The following ITGA9 variants were observed in gnomAD, a reference collection of about 807,000 sequenced individuals.
ITGA9 encodes integrin alpha-9.
In ITGA9, 56 loss-of-function variants were observed where a neutral mutation model predicts 127.8. That is an observed-to-expected ratio of 0.44 (90% confidence interval 0.35 to 0.55). The LOEUF (loss-of-function observed/expected upper bound fraction) is 0.55, where lower values mean the gene tolerates loss of function less well. Among genes scored for constraint, ITGA9 ranks in the 20% least tolerant of loss-of-function variants. ITGA9 has a pLI of 0.00. For synonymous variants in ITGA9, 508 were observed against 514.5 expected, an observed-to-expected ratio of 0.99 and a Z score of 0.17; for missense variants, 1,196 against 1,347.1, an observed-to-expected ratio of 0.89 and a Z score of 1.76.
chr3:37,663,820 C>T (rs1190415919), intron 17 of ITGA9, among the ~76,000 whole-genome samples: 1 of 152,176 alleles, frequency 6.6e-6, no homozygotes, highest in African/African-American at 2.4e-5. Flanking sequence ...AGTTGCTTAA[C>T]ATCTCTGCCT....
rs113303809 is a variant in ITGA9, at chr3:37,742,325, GC to G, written c.2324+507del. On this transcript the variant is annotated intron_variant, in intron 21 of 27. Transcript: ENST00000264741. Reference sequence around the variant, plus strand: ...AACTCCCTCTGCAGAGCCAGAGGTGGCTTTTCCTGATGTCTATAATGGTCTG... The same window carrying G: ...AACTCCCTCTGCAGAGCCAGAGGTGGTTTTCCTGATGTCTATAATGGTCTG... 2.7e-3 allele frequency among the ~76,000 whole-genome samples: 410 copies of G among 152,230 alleles called. 3 individuals are homozygous for G. The highest frequency in any genetic ancestry group is 9.3e-3 in the African/African-American group (386 of 41,536).
intron 22 of ITGA9, 29 bp from the exon 23 acceptor site, chr3:37,750,433 G>A: frequency 7.6e-7 from 1 of 1,317,342 alleles, no homozygotes; most frequent in South Asian, 1.2e-5. Flanking sequence ...TTTCCACTGA[G>A]ACTTGCTGTG....
intron 15 of ITGA9, among the ~76,000 whole-genome samples, chr3:37,593,323 TG>T (rs1699838185): frequency 6.6e-6 from 1 of 152,260 alleles, no homozygotes; most frequent in Admixed American, 6.5e-5. Context: ...TTATTTTTAT[TG>T]TTTTTTTCCT....
At position 37,570,106 on chromosome 3, in the gene ITGA9, C is replaced by G. The variant is rs371669408; in HGVS notation, c.1689+27521C>G. ...GTGATTTTGCTATGCGCCAAAGCAGCTGCCTTGATCCCTCAGAGCCCCGGC... is the reference window on the plus strand; with the variant it reads ...GTGATTTTGCTATGCGCCAAAGCAGGTGCCTTGATCCCTCAGAGCCCCGGC... On this transcript the variant is annotated intron_variant, in intron 15 of 27. Coordinates refer to ENST00000264741, the MANE Select transcript of ITGA9 (RefSeq NM_002207.3). 7.9e-5 allele frequency among the ~76,000 whole-genome samples: 12 copies of G among 152,390 alleles called. No individual in the cohort carries two copies. In the East Asian group the frequency reaches 1.9e-3, roughly 24 times the overall value.
chr3:37,765,018 T>TA (rs1192148411), intron 23 of ITGA9, among the ~76,000 whole-genome samples: 6 of 152,190 alleles, frequency 3.9e-5, no homozygotes, highest in Admixed American at 1.3e-4. Context: ...TCCACCAGAT[T>TA]AAAAACACCA....
chr3:37,702,419 C>T (rs1296361621), intron 18 of ITGA9, among the ~76,000 whole-genome samples: 1 of 152,100 alleles, frequency 6.6e-6, no homozygotes, highest in African/African-American at 2.4e-5. Flanking sequence ...GGGTTCCTGC[C>T]GATTGGCAAG....
intron 18 of ITGA9, among the ~76,000 whole-genome samples, chr3:37,696,152 A>G (rs1337297669): frequency 1.3e-5 from 2 of 152,186 alleles, no homozygotes; most frequent in Non-Finnish European, 2.9e-5. Context: ...GTGGCAAATG[A>G]ATTTTCTCAG....
At chr3:37,528,463 G>T (rs190170211) in intron 13 of ITGA9, among the ~76,000 whole-genome samples, 88 of 152,236 alleles carry the variant, frequency 5.8e-4, no homozygotes, top group African/African-American at 1.6e-3. Context: ...AGCATGGAAG[G>T]CCCAAGAAGA....
chr3:37,707,384 C>T (rs529698680), intron 18 of ITGA9, among the ~76,000 whole-genome samples: 2 of 152,128 alleles, frequency 1.3e-5, no homozygotes, highest in East Asian at 1.9e-4. Context: ...TATTTGAAGA[C>T]GTTTATGAAA....
intron 18 of ITGA9, among the ~76,000 whole-genome samples, chr3:37,707,658 G>A (rs992013738): frequency 6.6e-6 from 1 of 152,272 alleles, no homozygotes; most frequent in Middle Eastern, 3.4e-3. Context: ...TCTTCTTTCC[G>A]GTAGATGAAC....
At chr3:37,613,912 G>T (rs1363300504) in intron 15 of ITGA9, among the ~76,000 whole-genome samples, 2 of 152,124 alleles carry the variant, frequency 1.3e-5, no homozygotes, top group African/African-American at 4.8e-5. Context: ...CATTCTGTAG[G>T]TTGCCTGTTC....
At chr3:37,626,663 A>G (rs1412883601) in intron 15 of ITGA9, among the ~76,000 whole-genome samples, 3 of 152,236 alleles carry the variant, frequency 2.0e-5, no homozygotes. Context: ...AAACAGAGCA[A>G]GACTCTGTCT....
Position 37,750,379 on chromosome 3 carries a change from A to G in ITGA9, c.2434-83A>G, listed in dbSNP as rs552739832. 3.2e-5 allele frequency: 28 copies of G among 878,930 alleles called. No individual in the cohort carries two copies. The South Asian group carries it at 3.7e-4, about 12-fold the overall frequency. The allele number at this position is 878,930 out of a possible 1,614,324, so 54.4% of individuals were successfully genotyped here. A position where few individuals can be genotyped will look rare whatever the true frequency, so the allele number is the denominator to read the frequency against. On this transcript the variant is annotated intron_variant, in intron 22 of 27. Coordinates refer to ENST00000264741, the MANE Select transcript of ITGA9 (RefSeq NM_002207.3). ...GAGTTTCTGTATGTGATTTCAAAGA[A>G]TCTTAGAATATATATTGCATGACAG...
intron 16 of ITGA9, among the ~76,000 whole-genome samples, chr3:37,630,279 G>C (rs1375151924): frequency 1.3e-5 from 2 of 152,210 alleles, no homozygotes; most frequent in South Asian, 4.2e-4. Flanking sequence ...CCAAGGCATC[G>C]CATTATCTCC....
At chr3:37,511,851 C>G (rs1266917013) in intron 8 of ITGA9, among the ~76,000 whole-genome samples, 1 of 152,186 alleles carries the variant, frequency 6.6e-6, no homozygotes, top group East Asian at 1.9e-4. Flanking sequence ...CCTCAAACTC[C>G]CTGGGTCAGC....
At chr3:37,536,727 G>A (rs1699211647) in intron 14 of ITGA9, among the ~76,000 whole-genome samples, 1 of 152,214 alleles carries the variant, frequency 6.6e-6, no homozygotes. Flanking sequence ...AAATACTGTA[G>A]GAAATACAGA....
chr3:37,768,469 C>T (rs1312405766), intron 23 of ITGA9, among the ~76,000 whole-genome samples: 1 of 152,206 alleles, frequency 6.6e-6, no homozygotes, highest in Non-Finnish European at 1.5e-5. Flanking sequence ...TGCCTTGGTT[C>T]TCAGAGTAGG....
intron 15 of ITGA9, among the ~76,000 whole-genome samples, chr3:37,558,493 C>A (rs981666489): frequency 1.3e-5 from 2 of 152,214 alleles, no homozygotes; most frequent in African/African-American, 4.8e-5. Flanking sequence ...ACTTCTGTTT[C>A]TACACACATC....
chr3:37,675,984 C>T (rs1172933678), intron 17 of ITGA9, among the ~76,000 whole-genome samples: 7 of 152,148 alleles, frequency 4.6e-5, no homozygotes, highest in Middle Eastern at 3.4e-3. Context: ...TCTCATGATC[C>T]ACCCGCCTTG....
Sources: gnomAD v4.1 joint callset for allele counts (sites outside exome capture counted in the v4.1 genomes callset) on GRCh38, gnomAD v4.1.1 for gene constraint, MANE v1.5 for transcripts, NCBI Gene and HGNC (gene_info 2026-07-23, HGNC 2026-07-21) for gene names.